NCAM2: variants seen among roughly 807,000 people sequenced by gnomAD.
NCAM2 encodes the protein N-CAM-2.
In NCAM2, 30 loss-of-function variants were observed where a neutral mutation model predicts 98.1. The ratio of observed to expected loss-of-function variants is 0.31; its 90% confidence interval spans 0.23 to 0.41. The LOEUF is 0.41. NCAM2 is among the 10% of genes least tolerant of loss of function. The probability of loss-of-function intolerance (pLI) is 1.00; values close to 1 mark genes in which losing one functional copy is unlikely to be tolerated. For synonymous variants in NCAM2, 368 were observed against 342.4 expected (o/e 1.07, Z -0.83); for missense variants, 867 against 1,005.8 (o/e 0.86, Z 1.87).
At chr21:21,368,709 C>G (rs559807271) in intron 8 of NCAM2, among the ~76,000 whole-genome samples, 10 of 151,928 alleles carry the variant, frequency 6.6e-5, no homozygotes, top group Admixed American at 5.3e-4. Flanking sequence ...CCATCATGAT[C>G]TAATCAACTC....
chr21:21,248,542 C>T (rs1000746610), intron 1 of NCAM2, among the ~76,000 whole-genome samples: 5 of 151,592 alleles, frequency 3.3e-5, no homozygotes, highest in South Asian at 2.1e-4. Flanking sequence ...TTTGGGAGGC[C>T]GAGGCAAGCG....
chr21:21,158,735 C>T (rs1011660122), intron 1 of NCAM2, among the ~76,000 whole-genome samples: 2 of 152,036 alleles, frequency 1.3e-5, no homozygotes, highest in South Asian at 2.1e-4. Flanking sequence ...TGTAAACAAA[C>T]CTACTGGGCT....
At chr21:21,397,243 T>G (rs1320339715) in intron 9 of NCAM2, among the ~76,000 whole-genome samples, 1 of 152,148 alleles carries the variant, frequency 6.6e-6, no homozygotes, top group Non-Finnish European at 1.5e-5. Flanking sequence ...GGGCCACGAT[T>G]CCACCCAGAA....
At chr21:21,470,542 C>T (rs1005135348) in intron 14 of NCAM2, among the ~76,000 whole-genome samples, 3 of 151,956 alleles carry the variant, frequency 2.0e-5, no homozygotes, top group Admixed American at 6.6e-5. Context: ...CAAATTTTGT[C>T]TCCAGTAAAG....
chr21:21,000,700 C>G (rs2064004249), intron 1 of NCAM2, among the ~76,000 whole-genome samples: 1 of 151,890 alleles, frequency 6.6e-6, no homozygotes, highest in Non-Finnish European at 1.5e-5. Context: ...CTCATAGAGA[C>G]ACAGATATAT....
chr21:21,169,204 A>G (rs959960179), intron 1 of NCAM2, among the ~76,000 whole-genome samples: 10 of 152,316 alleles, frequency 6.6e-5, no homozygotes, highest in Admixed American at 3.9e-4. Context: ...AGTTTTTACA[A>G]CAAATGATAT....
At chr21:21,367,463 G>T (rs964266260) in intron 8 of NCAM2, among the ~76,000 whole-genome samples, 3 of 151,874 alleles carry the variant, frequency 2.0e-5, no homozygotes, top group Admixed American at 1.3e-4. Context: ...ATTGGCCATG[G>T]AAAAATACTA....
chr21:21,108,185 A>G (rs1323160753), intron 1 of NCAM2, among the ~76,000 whole-genome samples: 1 of 152,076 alleles, frequency 6.6e-6, no homozygotes, highest in East Asian at 1.9e-4. Context: ...CAACCCAACC[A>G]TAACTAAATA....
chr21:21,173,198 T>A (rs1480916805), intron 1 of NCAM2, among the ~76,000 whole-genome samples: 1 of 152,144 alleles, frequency 6.6e-6, no homozygotes, highest in Non-Finnish European at 1.5e-5. Flanking sequence ...CTACTGATGG[T>A]AGAAAGATAT....
intron 8 of NCAM2, among the ~76,000 whole-genome samples, chr21:21,355,354 CA>C (rs2075443547): frequency 6.7e-6 from 1 of 149,022 alleles, no homozygotes; most frequent in African/African-American, 2.5e-5. Flanking sequence ...AAGGGGGTTG[CA>C]GGGGGCTGAG....
At chr21:21,267,246 G>T (rs1423573839) in intron 1 of NCAM2, among the ~76,000 whole-genome samples, 1 of 152,130 alleles carries the variant, frequency 6.6e-6, no homozygotes, top group Non-Finnish European at 1.5e-5. Flanking sequence ...GAAACTTGGT[G>T]ACTCCAAGCA....
chr21:21,204,642 A>G (rs1412261724), intron 1 of NCAM2, among the ~76,000 whole-genome samples: 1 of 152,134 alleles, frequency 6.6e-6, no homozygotes, highest in Non-Finnish European at 1.5e-5. Context: ...TTCTACCATG[A>G]ATATTTACAT....
At chr21:21,282,272 A>T (rs902900477) in intron 2 of NCAM2, among the ~76,000 whole-genome samples, 14 of 151,926 alleles carry the variant, frequency 9.2e-5, no homozygotes, top group Non-Finnish European at 1.8e-4. Flanking sequence ...ACTTTTATGG[A>T]TTTGTATATT....
At chr21:21,006,505 T>C (rs2064116429) in intron 1 of NCAM2, among the ~76,000 whole-genome samples, 1 of 152,052 alleles carries the variant, frequency 6.6e-6, no homozygotes, top group Non-Finnish European at 1.5e-5. Flanking sequence ...TGAGACCCCA[T>C]CTCAAAAAAG....
rs1463687897 is a variant in NCAM2, at chr21:21,411,121, T to TACACAC, written c.1383+661_1383+662insCACACA. ...ATATATACATATATATGTATATATA[T>TACACAC]ATACACATATATATGTATATATATA... On this transcript the variant is annotated intron_variant, in intron 10 of 17. Transcript: ENST00000400546. Among the ~76,000 whole-genome samples, 37 of 75,454 alleles carry TACACAC rather than the reference T, an allele frequency of 4.9e-4. 1 individual carries two copies. Among genetic ancestry groups the TACACAC allele is most frequent in the African/African-American group, 1.3e-3 (30 of 22,468 alleles). 49.5% of individuals were successfully genotyped at this position (75,454 alleles called of 152,430 possible).
chr21:21,332,541 C>A (rs1042109753), intron 6 of NCAM2, among the ~76,000 whole-genome samples: 2 of 152,098 alleles, frequency 1.3e-5, no homozygotes, highest in African/African-American at 4.8e-5. Flanking sequence ...TCTAATGGTT[C>A]TTTCCCTCAT....
rs1990140006 is a variant in NCAM2 at position 21,539,376 on chromosome 21, T to C, written c.*1419T>C. The stretch of plus-strand genomic sequence containing the variant: ...CCTGTAACATTCAGAACCTTTGGTG[T>C]TTCAGGTGGTATTATAGCTCAAATA... On this transcript the variant is annotated 3_prime_UTR_variant, in exon 18 of 18. Coordinates refer to ENST00000400546, the MANE Select transcript of NCAM2 (RefSeq NM_004540.5). 6.6e-6 allele frequency: 1 copy of C among 152,154 alleles called. No homozygotes were observed. The highest frequency in any genetic ancestry group is 1.5e-5 in the Non-Finnish European group (1 of 68,022). 9.4% of individuals were successfully genotyped at this position (152,154 alleles called of 1,614,324 possible).
intron 1 of NCAM2, among the ~76,000 whole-genome samples, chr21:21,048,055 C>T (rs1470612620): frequency 2.0e-5 from 3 of 152,160 alleles, no homozygotes; most frequent in Non-Finnish European, 4.4e-5. Context: ...ATCCCCTTTC[C>T]CCTTTGTTTT....
chr21:21,007,100 A>G (rs1439589792), intron 1 of NCAM2, among the ~76,000 whole-genome samples: 1 of 152,174 alleles, frequency 6.6e-6, no homozygotes, highest in Non-Finnish European at 1.5e-5. Context: ...CAGGGATGCA[A>G]ATATGGTGTG....
Sources: allele counts gnomAD v4.1 joint callset (sites outside exome capture counted in the v4.1 genomes callset), GRCh38; gene constraint gnomAD v4.1.1; transcripts MANE v1.5; gene names NCBI Gene and HGNC (gene_info 2026-07-23, HGNC 2026-07-21).